Variants in CHST8 observed in about 807,000 individuals in gnomAD.
The protein encoded by CHST8 is GALNAC-4-ST1.
CHST8 carries 10 observed loss-of-function variants against 15.0 expected under a neutral mutation model. The observed-to-expected ratio is 0.67, with a 90% CI of 0.41 to 1.13. The LOEUF (loss-of-function observed/expected upper bound fraction) is 1.13. CHST8 is among the 50% of genes most tolerant of loss of function. The pLI, the probability that CHST8 is intolerant of heterozygous loss-of-function variation, is 0.00. For missense variants in CHST8, 634 were observed against 608.2 expected, an observed-to-expected ratio of 1.04 and a Z score of -0.45; for synonymous variants, 259 against 256.6, an observed-to-expected ratio of 1.01 and a Z score of -0.09.
At chr19:33,764,673 A>G (rs1974797465) in intron 3 of CHST8, among the ~76,000 whole-genome samples, 1 of 152,162 alleles carries the variant, frequency 6.6e-6, no homozygotes, top group Non-Finnish European at 1.5e-5. Flanking sequence ...AAGTTAGGCC[A>G]CTAGAGTGGG....
intron 3 of CHST8, among the ~76,000 whole-genome samples, chr19:33,768,840 A>G (rs1039367079): frequency 5.9e-5 from 9 of 152,204 alleles, no homozygotes; most frequent in Admixed American, 3.3e-4. Flanking sequence ...GGTTGGGAAT[A>G]GCTTATGGCA....
rs750497181 is a variant in CHST8, at chr19:33,772,938, A to G, written c.1150A>G (p.Thr384Ala). 6.2e-7 allele frequency: 1 copy of G among 1,613,482 alleles called. No individual in the cohort carries two copies. Among genetic ancestry groups the G allele is most frequent in the Non-Finnish European group, 8.5e-7 (1 of 1,180,026 alleles). Reference sequence around the variant, plus strand: ...CCGGCACTCGCAGGAGGCGCGGACCACAGCGAGGATCGCCCACCAGTACTT... The same window carrying G: ...CCGGCACTCGCAGGAGGCGCGGACCGCAGCGAGGATCGCCCACCAGTACTT... Reference protein sequence around the residue: ...KDRHSQEARTTARIAHQYFAQ... With the variant: ...KDRHSQEARTAARIAHQYFAQ... The change falls in exon 5 of 5, where the codon ACA (threonine) becomes GCA (alanine). Residue 384 changes from threonine to alanine, a missense_variant. Coordinates refer to ENST00000650847, the MANE Select transcript of CHST8 (RefSeq NM_001127895.2).
intron 1 of CHST8, among the ~76,000 whole-genome samples, chr19:33,643,188 G>A (rs549901028): frequency 6.0e-4 from 91 of 152,256 alleles, no homozygotes; most frequent in African/African-American, 2.0e-3. Flanking sequence ...AAGACCAAGC[G>A]GTGCGTGAGC....
In CHST8 at chr19:33,689,230, C is replaced by T; in HGVS notation, c.-32C>T. Reference sequence around the variant, plus strand: ...CGATGAGGGAAGAACGTGCCCCCCACACCCAAGAGGTGACCCCTGAGCCAG... The same window carrying T: ...CGATGAGGGAAGAACGTGCCCCCCATACCCAAGAGGTGACCCCTGAGCCAG... On this transcript the variant is annotated 5_prime_UTR_variant, in exon 3 of 5. Transcript: ENST00000650847. The T allele has an allele frequency of 2.0e-6, 3 of 1,515,058 alleles. No individual in the cohort carries two copies. The highest frequency in any genetic ancestry group is 1.3e-5 in the South Asian group (1 of 75,160). 93.9% of individuals were successfully genotyped at this position (1,515,058 alleles called of 1,614,324 possible). A position where few individuals can be genotyped will look rare whatever the true frequency, so the allele number is the denominator to read the frequency against.
At chr19:33,640,512 A>G (rs1011663712) in intron 1 of CHST8, among the ~76,000 whole-genome samples, 19 of 152,016 alleles carry the variant, frequency 1.2e-4, no homozygotes, top group Non-Finnish European at 2.6e-4. Context: ...GAGCCCATGG[A>G]TGTCTTTTAT....
intron 3 of CHST8, among the ~76,000 whole-genome samples, chr19:33,755,298 T>A (rs1974524987): frequency 6.6e-6 from 1 of 152,146 alleles, no homozygotes; most frequent in African/African-American, 2.4e-5. Context: ...CATTCTGTAA[T>A]CAACTCCCAG....
In CHST8 at chr19:33,772,506, G is replaced by A. The variant is rs780352841; in HGVS notation, c.718G>A (p.Asp240Asn). ...GSALKRLDTF[D>N]RQGILHRLST... ...CGCTCTCAAGCGCCTGGACACCTTC[G>A]ACCGCCAGGGTATCTTGCACCGTCT... The change falls in exon 5 of 5, where the codon GAC becomes AAC. Residue 240 changes from aspartate to asparagine, a missense_variant. By Grantham distance (23) the Asp-to-Asn change is conservative. Coordinates refer to ENST00000650847, the MANE Select transcript of CHST8 (RefSeq NM_001127895.2). 1.2e-5 allele frequency: 20 copies of A among 1,613,680 alleles called. No homozygotes were observed. In the South Asian group the frequency reaches 1.3e-4, roughly 11 times the overall value.
Position 33,772,409 on chromosome 19 carries a change from G to T in CHST8, c.621G>T (p.Arg207=). Residue 207 remains arginine (R), a synonymous_variant, in exon 5 of 5, where the codon CGG becomes CGT. Coordinates refer to ENST00000650847, the MANE Select transcript of CHST8 (RefSeq NM_001127895.2). The part of the protein sequence containing the change: ...VPKAGCSNWK[R]VLMVLAGLAS... ...AGGCCGGCTGCTCCAATTGGAAGCG[G>T]GTGCTCATGGTGCTGGCCGGCCTGG... 6.2e-7 allele frequency: 1 copy of T among 1,610,130 alleles called. No homozygotes were observed. The highest frequency in any genetic ancestry group is 2.2e-5 in the East Asian group (1 of 44,874).
chr19:33,731,749 A>G (rs1973997772), intron 3 of CHST8, among the ~76,000 whole-genome samples: 2 of 152,170 alleles, frequency 1.3e-5, no homozygotes, highest in South Asian at 4.1e-4. Flanking sequence ...AATGATTGAG[A>G]TGAGGTTTGG....
intron 4 of CHST8, 41 bp from the exon 5 acceptor site, chr19:33,771,914 GCT>G: frequency 6.6e-7 from 1 of 1,523,000 alleles, no homozygotes; most frequent in Non-Finnish European, 8.8e-7. Context: ...TCAGTGCCCA[GCT>G]GTCCTTTCCA....
intron 2 of CHST8, among the ~76,000 whole-genome samples, chr19:33,686,769 C>T (rs16968393): frequency 0.014 from 2,202 of 152,316 alleles, 58 homozygotes; most frequent in African/African-American, 0.051. Flanking sequence ...CTCAGGGGCT[C>T]GCGACAGTTG....
At chr19:33,765,807 T>C (rs1207416584) in intron 3 of CHST8, among the ~76,000 whole-genome samples, 1 of 152,070 alleles carries the variant, frequency 6.6e-6, no homozygotes, top group Non-Finnish European at 1.5e-5. Context: ...GCGATCCACC[T>C]GCCGTAGCCT....
chr19:33,639,118 A>T (rs1972244595), intron 1 of CHST8, among the ~76,000 whole-genome samples: 1 of 150,078 alleles, frequency 6.7e-6, no homozygotes, highest in Admixed American at 6.7e-5. Context: ...AAGAGGAGGT[A>T]CAATATGCGA....
intron 3 of CHST8, among the ~76,000 whole-genome samples, chr19:33,741,076 A>C (rs898378849): frequency 2.0e-5 from 3 of 152,210 alleles, no homozygotes; most frequent in Non-Finnish European, 4.4e-5. Context: ...TTGTGGTGTC[A>C]GCCTCGTTTT....
chr19:33,698,377 CA>C (rs1448715932), intron 3 of CHST8, among the ~76,000 whole-genome samples: 1 of 146,274 alleles, frequency 6.8e-6, no homozygotes, highest in Non-Finnish European at 1.5e-5. Flanking sequence ...AGCGAGACTC[CA>C]TCTCAAAAAG....
intron 3 of CHST8, among the ~76,000 whole-genome samples, chr19:33,738,350 T>C (rs1455221505): frequency 2.0e-5 from 3 of 152,248 alleles, no homozygotes; most frequent in Non-Finnish European, 4.4e-5. Flanking sequence ...GTATCAGATC[T>C]GTACACATTC....
At chr19:33,652,093 G>A (rs949692275) in intron 1 of CHST8, among the ~76,000 whole-genome samples, 1 of 151,884 alleles carries the variant, frequency 6.6e-6, no homozygotes, top group African/African-American at 2.4e-5. Flanking sequence ...ATGTTATTAG[G>A]TGCATATAGG....
chr19:33,744,546 CTCT>C (rs1568352280), intron 3 of CHST8: 2 of 151,590 alleles, frequency 1.3e-5, no homozygotes, highest in African/African-American at 4.9e-5. Context: ...AAGCTGGATA[CTCT>C]TCCTTTCTCC....
chr19:33,749,292 C>A (rs897163608), intron 3 of CHST8, among the ~76,000 whole-genome samples: 49 of 152,262 alleles, frequency 3.2e-4, no homozygotes, highest in Non-Finnish European at 3.1e-4. Flanking sequence ...AGCTGTGTGA[C>A]CTTAGTGGCT....
Sources: allele counts gnomAD v4.1 joint callset (sites outside exome capture counted in the v4.1 genomes callset), GRCh38; gene constraint gnomAD v4.1.1; transcripts MANE v1.5; gene names NCBI Gene and HGNC (gene_info 2026-07-23, HGNC 2026-07-21).